Variants in FCHO2 observed in about 807,000 individuals in gnomAD.
FCHO2 encodes FCH and mu domain containing endocytic adaptor 2, also known as F-BAR domain only protein 2.
In FCHO2, 43 loss-of-function variants were observed where a neutral mutation model predicts 114.1. The ratio of observed to expected loss-of-function variants is 0.38; its 90% confidence interval spans 0.30 to 0.49. The LOEUF is 0.49. Ranked by LOEUF, FCHO2 falls within the 20% of genes least tolerant of loss-of-function variation. The probability of loss-of-function intolerance (pLI) is 0.97; values close to 1 mark genes in which losing one functional copy is unlikely to be tolerated. For missense variants in FCHO2, 807 were observed against 950.4 expected (o/e 0.85, Z 1.98); for synonymous variants, 293 against 315.2 (o/e 0.93, Z 0.75).
intron 25 of FCHO2, 135 bp downstream of exon 25, chr5:73,087,888 G>T: frequency 7.2e-7 from 1 of 1,393,638 alleles, no homozygotes; most frequent in Admixed American, 2.2e-5. Flanking sequence ...CAAGGTGCCA[G>T]GTAGAGACAC....
At chr5:72,975,214 T>C (rs981116601) in intron 2 of FCHO2, among the ~76,000 whole-genome samples, 3 of 152,192 alleles carry the variant, frequency 2.0e-5, no homozygotes, top group Admixed American at 2.0e-4. Context: ...TGTGAAACAG[T>C]ATTTGTTTGT....
In FCHO2 at chr5:73,082,260, CTT is replaced by C. The variant is rs11427541; in HGVS notation, c.2180+292_2180+293del. ...CAGAGTGCTTGACCTCTCTAAACTT[CTT>C]TTTTTTTTTTTTTCATTTAAAAAAT... On this transcript the variant is annotated intron_variant, in intron 23 of 25. Transcript: ENST00000430046. Among the ~76,000 whole-genome samples the C allele has an allele frequency of 7.6e-4, 107 of 140,348 alleles. 1 individual carries two copies. Among genetic ancestry groups the C allele is most frequent in the African/African-American group, 2.7e-3 (102 of 38,462 alleles). The allele number at this position is 140,348 out of a possible 152,430, so 92.1% of individuals were successfully genotyped here.
At chr5:72,983,245 T>A (rs1320628857) in intron 2 of FCHO2, among the ~76,000 whole-genome samples, 2 of 152,152 alleles carry the variant, frequency 1.3e-5, no homozygotes, top group Non-Finnish European at 2.9e-5. Context: ...CCGGGATACA[T>A]GTGCAGAATG....
chr5:73,051,715 C>G (rs958849147), intron 12 of FCHO2, among the ~76,000 whole-genome samples: 1 of 151,522 alleles, frequency 6.6e-6, no homozygotes, highest in Non-Finnish European at 1.5e-5. Flanking sequence ...TACAGGCATG[C>G]GCACCATGCC....
intron 8 of FCHO2, chr5:73,020,850 TA>T (rs1755577696): frequency 1.0e-6 from 1 of 953,594 alleles, no homozygotes; most frequent in Non-Finnish European, 1.7e-6. Context: ...CTGAGATATT[TA>T]CTCTGACCAT....
In FCHO2 at chr5:73,090,197, T is replaced by C. The variant is rs1276584976; in HGVS notation, c.*2107T>C. 2 of 152,598 alleles carry C rather than the reference T, an allele frequency of 1.3e-5. No homozygotes were observed. Among genetic ancestry groups the C allele is most frequent in the Non-Finnish European group, 2.9e-5 (2 of 68,010 alleles). The allele number at this position is 152,598 out of a possible 1,614,324, so 9.5% of individuals were successfully genotyped here. On this transcript the variant is annotated 3_prime_UTR_variant, in exon 26 of 26. Transcript: ENST00000430046. ...TACAGGTTACAATTTTGAAGCCATA[T>C]GAGTTTATATTGATTTTTTTTTTCC...
At chr5:72,966,249 G>GT (rs1472746719) in intron 1 of FCHO2, among the ~76,000 whole-genome samples, 1 of 152,104 alleles carries the variant, frequency 6.6e-6, no homozygotes, top group Non-Finnish European at 1.5e-5. Context: ...TGCTATCCAG[G>GT]TTTTTTATTT....
In FCHO2 at chr5:73,082,798, A is replaced by G. The variant is rs774491802; in HGVS notation, c.2218A>G (p.Ser740Gly). The change falls in exon 24 of 26, where the codon AGT becomes GGT. Residue 740 changes from serine (S) to glycine (G), a missense_variant. Transcript: ENST00000430046. Reference sequence around the variant, plus strand: ...AATGAAAGCCTTTTGGAAATTGTCTAGTATTTCAGAAAAATCAGAAAATGG... The same window carrying G: ...AATGAAAGCCTTTTGGAAATTGTCTGGTATTTCAGAAAAATCAGAAAATGG... ...EQMKAFWKLS[S>G]ISEKSENGGS... 1 of 1,607,128 alleles carries G rather than the reference A, an allele frequency of 6.2e-7. No homozygotes were observed. Among genetic ancestry groups the G allele is most frequent in the Non-Finnish European group, 8.5e-7 (1 of 1,176,690 alleles).
chr5:72,968,918 TA>T (rs1376853890), intron 2 of FCHO2, among the ~76,000 whole-genome samples: 1 of 152,184 alleles, frequency 6.6e-6, no homozygotes, highest in Non-Finnish European at 1.5e-5. Context: ...TTAACCATGC[TA>T]AAATAATTAG....
At chr5:73,062,783 C>CAA (rs1211266343) in intron 17 of FCHO2, among the ~76,000 whole-genome samples, 2 of 151,974 alleles carry the variant, frequency 1.3e-5, no homozygotes, top group African/African-American at 2.4e-5. Flanking sequence ...TACCTCTATG[C>CAA]ACCTTCCTTT....
chr5:73,042,787 A>G (rs1756867681), intron 11 of FCHO2, among the ~76,000 whole-genome samples: 1 of 152,236 alleles, frequency 6.6e-6, no homozygotes, highest in Non-Finnish European at 1.5e-5. Context: ...GGCATAGGAT[A>G]AAAATGGTCA....
intron 9 of FCHO2, among the ~76,000 whole-genome samples, chr5:73,034,906 G>C (rs924697577): frequency 6.6e-6 from 1 of 152,114 alleles, no homozygotes; most frequent in Non-Finnish European, 1.5e-5. Context: ...TAATATTAGT[G>C]TGTTAGATTA....
chr5:73,086,379 G>T (rs1743311574), intron 24 of FCHO2, among the ~76,000 whole-genome samples: 1 of 152,122 alleles, frequency 6.6e-6, no homozygotes, highest in Non-Finnish European at 1.5e-5. Context: ...ATACAAGTTG[G>T]ATCAATGTTG....
chr5:73,051,055 G>T, intron 11 of FCHO2: 2 of 289,140 alleles, frequency 6.9e-6, no homozygotes, highest in Non-Finnish European at 6.4e-6. Flanking sequence ...TGTAGATTTT[G>T]AGCAATCTGA....
At chr5:73,077,249 C>T in intron 20 of FCHO2, 89 bp from the exon 21 acceptor site, 2 of 1,151,262 alleles carry the variant, frequency 1.7e-6, no homozygotes, top group Non-Finnish European at 2.4e-6. Flanking sequence ...TGTGTGTGCG[C>T]ACGTGCACGC....
intron 1 of FCHO2, among the ~76,000 whole-genome samples, chr5:72,956,982 T>A (rs1433448103): frequency 6.6e-6 from 1 of 152,218 alleles, no homozygotes; most frequent in Non-Finnish European, 1.5e-5. Flanking sequence ...AATCCCATTT[T>A]ATGCCCTGAC....
chr5:73,020,949 G>C, intron 8 of FCHO2: 3 of 1,594,826 alleles, frequency 1.9e-6, no homozygotes, highest in Non-Finnish European at 2.6e-6. Context: ...GCAGTTTGTT[G>C]CTTCGGCTGT....
intron 2 of FCHO2, among the ~76,000 whole-genome samples, chr5:72,975,212 A>G (rs1468533703): frequency 6.6e-6 from 1 of 152,184 alleles, no homozygotes; most frequent in Non-Finnish European, 1.5e-5. Context: ...TCTGTGAAAC[A>G]GTATTTGTTT....
chr5:73,012,161 G>A (rs772651623), intron 6 of FCHO2, among the ~76,000 whole-genome samples: 12 of 152,250 alleles, frequency 7.9e-5, no homozygotes, highest in Middle Eastern at 3.4e-3. Flanking sequence ...GTTTGTATCA[G>A]CATCACCACA....
Sources: gnomAD v4.1 joint callset for allele counts (sites outside exome capture counted in the v4.1 genomes callset) on GRCh38, gnomAD v4.1.1 for gene constraint, MANE v1.5 for transcripts, NCBI Gene and HGNC (gene_info 2026-07-23, HGNC 2026-07-21) for gene names.